TRDMT1: variants seen among roughly 807,000 people sequenced by gnomAD.
TRDMT1 encodes tRNA (cytosine(38)-C(5))-methyltransferase.
In TRDMT1, 49 loss-of-function variants were observed where a neutral mutation model predicts 51.2. That is an observed-to-expected ratio of 0.96 (90% confidence interval 0.76 to 1.21). TRDMT1 has a LOEUF of 1.21. TRDMT1 is among the 50% of genes most tolerant of loss of function. The pLI is 0.00. For synonymous variants in TRDMT1, 187 were observed against 164.6 expected (o/e 1.14, Z -1.04); for missense variants, 534 against 462.3 (o/e 1.16, Z -1.42).
intron 2 of TRDMT1, chr10:17,172,149 A>C (rs1842116435): frequency 6.1e-6 from 1 of 163,574 alleles, no homozygotes; most frequent in South Asian, 2.1e-4. Context: ...AATAAAGAAA[A>C]ACATACAGAG....
At chr10:17,161,807 T>C (rs1840393078) in intron 4 of TRDMT1, among the ~76,000 whole-genome samples, 1 of 152,218 alleles carries the variant, frequency 6.6e-6, no homozygotes, top group South Asian at 2.1e-4. Context: ...CTCTGTGGTG[T>C]CAACTGAAAG....
chr10:17,158,895 T>C (rs1416832927), intron 7 of TRDMT1, among the ~76,000 whole-genome samples: 2 of 152,064 alleles, frequency 1.3e-5, no homozygotes, highest in African/African-American at 2.4e-5. Context: ...TAATGATAAG[T>C]TTTTTAACTC....
intron 3 of TRDMT1, among the ~76,000 whole-genome samples, chr10:17,166,806 T>G (rs1301539167): frequency 6.6e-6 from 1 of 152,174 alleles, no homozygotes; most frequent in Non-Finnish European, 1.5e-5. Flanking sequence ...TACGGGGCCC[T>G]CTGCAGTATT....
intron 1 of TRDMT1, among the ~76,000 whole-genome samples, chr10:17,175,261 G>A (rs2131523969): frequency 6.6e-6 from 1 of 152,296 alleles, no homozygotes; most frequent in Middle Eastern, 3.4e-3. Context: ...CATTTTAAAT[G>A]TTGACAGACC....
intron 3 of TRDMT1, 44 bp from the exon 4 acceptor site, chr10:17,162,281 G>T: frequency 6.7e-7 from 1 of 1,500,222 alleles, no homozygotes; most frequent in Non-Finnish European, 9.0e-7. Context: ...AACACAGAAA[G>T]TTTATTAAGA....
intron 10 of TRDMT1, 123 bp from the exon 11 acceptor site, chr10:17,149,263 A>C: frequency 2.8e-6 from 2 of 714,450 alleles, no homozygotes; most frequent in Non-Finnish European, 4.6e-6. Context: ...GGTCTCCATG[A>C]AGTTTTATTA....
At position 17,162,211 on chromosome 10, in the gene TRDMT1, T is replaced by C. The variant is rs1840460327; in HGVS notation, c.278A>G (p.Asp93Gly). ...ATGTAAGAAGCTATTCGTCCTTGAA[T>C]CAGTCATATCACCCTGCCGGCCAAT... ...TRIGRQGDMTDSRTNSFLHIL... is the reference protein window; with the variant it reads ...TRIGRQGDMTGSRTNSFLHIL... Residue 93 changes from aspartate (D) to glycine (G), a missense_variant, in exon 4 of 11, where the codon GAT becomes GGT. Asp to Gly is a moderately conservative substitution (Grantham distance 94). Coordinates refer to ENST00000377799, the MANE Select transcript of TRDMT1 (RefSeq NM_004412.7). 1 of 1,600,724 alleles carries C rather than the reference T, an allele frequency of 6.2e-7. No individual in the cohort carries two copies. Among genetic ancestry groups the C allele is most frequent in the Non-Finnish European group, 8.5e-7 (1 of 1,176,096 alleles).
rs1252141719 is a variant in TRDMT1 at position 17,138,096 on chromosome 10, G to C, written c.*10944C>G. ...ATGAGGAGAGGGTTGAGATGCAGAGGTGCGTTGGAGGATGGACAAATTGGC... is the reference window on the plus strand; with the variant it reads ...ATGAGGAGAGGGTTGAGATGCAGAGCTGCGTTGGAGGATGGACAAATTGGC... On this transcript the variant is annotated 3_prime_UTR_variant, in exon 11 of 11. Transcript: ENST00000377799. 1.3e-5 allele frequency among the ~76,000 whole-genome samples: 2 copies of C among 152,144 alleles called. No individual in the cohort carries two copies. Among genetic ancestry groups the C allele is most frequent in the Non-Finnish European group, 2.9e-5 (2 of 68,022 alleles).
chr10:17,147,239 T>C lies in TRDMT1; in HGVS notation c.*1801A>G, dbSNP rs1564546175. On this transcript the variant is annotated 3_prime_UTR_variant, in exon 11 of 11. Coordinates refer to ENST00000377799, the MANE Select transcript of TRDMT1 (RefSeq NM_004412.7). ...AATAATTTGTGATTGTTTACTGAAA[T>C]TTATGAGACTTGTAATAGGCTCTGT... 68 of 985,700 alleles carry C rather than the reference T, an allele frequency of 6.9e-5. No homozygotes were observed. Among genetic ancestry groups the C allele is most frequent in the Non-Finnish European group, 8.0e-5 (66 of 829,936 alleles). The allele number at this position is 985,700 out of a possible 1,614,324, so 61.1% of individuals were successfully genotyped here.
rs1430552378 is a variant in TRDMT1, at chr10:17,140,214, A to AC, written c.*8825_*8826insG. Among the ~76,000 whole-genome samples the AC allele has an allele frequency of 7.6e-6, 1 of 131,222 alleles. No homozygotes were observed. The highest frequency in any genetic ancestry group is 2.9e-5 in the African/African-American group (1 of 34,388). 86.1% of individuals were successfully genotyped at this position (131,222 alleles called of 152,430 possible). A position where few individuals can be genotyped will look rare whatever the true frequency, so the allele number is the denominator to read the frequency against. On this transcript the variant is annotated 3_prime_UTR_variant, in exon 11 of 11. Transcript: ENST00000377799. Reference sequence around the variant, plus strand: ...CAGGCACATGCCACCACATCCAGCTATTTTTTTTTTTTTTTTGTACCTTTA... The same window carrying AC: ...CAGGCACATGCCACCACATCCAGCTACTTTTTTTTTTTTTTTTGTACCTTTA...
Position 17,175,246 on chromosome 10 carries a change from A to G in TRDMT1, c.65-586T>C, listed in dbSNP as rs1842489073. Among the ~76,000 whole-genome samples, 2 of 152,232 alleles carry G rather than the reference A, an allele frequency of 1.3e-5. 1 individual carries two copies. The highest frequency in any genetic ancestry group is 4.1e-4 in the South Asian group (2 of 4,828). The stretch of plus-strand genomic sequence containing the variant: ...GTATCCAAATGTAAATGGTTCATTT[A>G]CCAACATTTTAAATGTTGACAGACC... On this transcript the variant is annotated intron_variant, in intron 1 of 10. Coordinates refer to ENST00000377799, the MANE Select transcript of TRDMT1 (RefSeq NM_004412.7).
Position 17,142,005 on chromosome 10 carries a change from C to T in TRDMT1, c.*7035G>A, listed in dbSNP as rs547038437. Among the ~76,000 whole-genome samples the T allele has an allele frequency of 2.6e-5, 4 of 152,234 alleles. No individual in the cohort carries two copies. The highest frequency in any genetic ancestry group is 9.6e-5 in the African/African-American group (4 of 41,548). Reference sequence around the variant, plus strand: ...TAAAAATTGGCATATAGTGCACCTACCATAATGGTTCTTTTGTTAACTTCT... The same window carrying T: ...TAAAAATTGGCATATAGTGCACCTATCATAATGGTTCTTTTGTTAACTTCT... On this transcript the variant is annotated 3_prime_UTR_variant, in exon 11 of 11. Transcript: ENST00000377799.
intron 7 of TRDMT1, 129 bp from the exon 8 acceptor site, chr10:17,157,913 T>C (rs947433198): frequency 2.9e-6 from 2 of 695,786 alleles, no homozygotes; most frequent in African/African-American, 1.8e-5. Flanking sequence ...AAGATAGAAA[T>C]TGTGGTTTAC....
intron 3 of TRDMT1, among the ~76,000 whole-genome samples, chr10:17,164,182 G>C (rs1840835762): frequency 6.6e-6 from 1 of 152,152 alleles, no homozygotes; most frequent in Non-Finnish European, 1.5e-5. Context: ...GATCAAGTGG[G>C]CTTCATCCCT....
intron 1 of TRDMT1, among the ~76,000 whole-genome samples, chr10:17,198,876 T>A (rs1845788650): frequency 6.6e-6 from 1 of 152,224 alleles, no homozygotes; most frequent in South Asian, 2.1e-4. Flanking sequence ...AAGTTCAATA[T>A]TATTCCTTTT....
chr10:17,151,114 A>G (rs1838662705), intron 10 of TRDMT1: 8 of 763,236 alleles, frequency 1.0e-5, no homozygotes, highest in Non-Finnish European at 1.3e-5. Flanking sequence ...ATCTGTGCAT[A>G]TTTCTTTAAA....
At position 17,146,741 on chromosome 10, in the gene TRDMT1, A is replaced by G. The variant is rs1838143442; in HGVS notation, c.*2299T>C. ...GAATAAATGTACAAGTCCAAATATC[A>G]GGAAACAGAATTTCCAGTGCAAATT... On this transcript the variant is annotated 3_prime_UTR_variant, in exon 11 of 11. Transcript: ENST00000377799. 1 of 985,324 alleles carries G rather than the reference A, an allele frequency of 1.0e-6. No homozygotes were observed. Among genetic ancestry groups the G allele is most frequent in the South Asian group, 4.7e-5 (1 of 21,292 alleles). The allele number at this position is 985,324 out of a possible 1,614,324, so 61.0% of individuals were successfully genotyped here. A position where few individuals can be genotyped will look rare whatever the true frequency, so the allele number is the denominator to read the frequency against.
At chr10:17,173,009 A>G (rs1344299728) in intron 2 of TRDMT1, among the ~76,000 whole-genome samples, 4 of 152,174 alleles carry the variant, frequency 2.6e-5, no homozygotes, top group Non-Finnish European at 4.4e-5. Context: ...ATATTTAAAA[A>G]TAAATTTCAG....
In TRDMT1 at chr10:17,169,958, G is replaced by A. The variant is rs189558832; in HGVS notation, c.175-1041C>T. On this transcript the variant is annotated intron_variant, in intron 2 of 10. Coordinates refer to ENST00000377799, the MANE Select transcript of TRDMT1 (RefSeq NM_004412.7). Reference sequence around the variant, plus strand: ...CACTGAGCAGTCTGCCAGAACACACGGGGCAGGGTATTAGCACATCACATT... The same window carrying A: ...CACTGAGCAGTCTGCCAGAACACACAGGGCAGGGTATTAGCACATCACATT... Among the ~76,000 whole-genome samples the A allele has an allele frequency of 2.0e-4, 30 of 152,256 alleles. 1 individual carries two copies. In the East Asian group the frequency reaches 4.1e-3, roughly 21 times the overall value.
Sources: allele counts gnomAD v4.1 joint callset (sites outside exome capture counted in the v4.1 genomes callset), GRCh38; gene constraint gnomAD v4.1.1; transcripts MANE v1.5; gene names NCBI Gene and HGNC (gene_info 2026-07-23, HGNC 2026-07-21).